The following NTM variants were observed in gnomAD, a reference collection of about 807,000 sequenced individuals.
NTM encodes neurotrimin, also known as IgLON family member 2.
In NTM, 13 loss-of-function variants were observed where a neutral mutation model predicts 42.1. That is an observed-to-expected ratio of 0.31 (90% CI 0.20 to 0.49). The LOEUF (loss-of-function observed/expected upper bound fraction) is 0.49, where lower values mean the gene tolerates loss of function less well. NTM is among the 20% of genes least tolerant of loss of function. The pLI is 0.99. For missense variants in NTM, 373 were observed against 452.8 expected (o/e 0.82, Z 1.60); for synonymous variants, 187 against 179.2 (o/e 1.04, Z -0.35).
intron 3 of NTM, among the ~76,000 whole-genome samples, chr11:132,181,743 G>T (rs369845214): frequency 6.6e-6 from 1 of 152,130 alleles, no homozygotes; most frequent in Non-Finnish European, 1.5e-5. Context: ...TGCCTCTTCT[G>T]TTCCTTCTGA....
chr11:131,697,160 G>A (rs2075557136), intron 1 of NTM, among the ~76,000 whole-genome samples: 1 of 152,156 alleles, frequency 6.6e-6, no homozygotes, highest in African/African-American at 2.4e-5. Context: ...AAGGACACAA[G>A]GTAAGATGGA....
At chr11:132,090,268 CT>C (rs1212417107) in intron 2 of NTM, among the ~76,000 whole-genome samples, 2 of 152,162 alleles carry the variant, frequency 1.3e-5, no homozygotes, top group Non-Finnish European at 2.9e-5. Flanking sequence ...TGCAAGTCAC[CT>C]TCTTATACCT....
chr11:132,315,430 C>A (rs918254785), intron 7 of NTM, among the ~76,000 whole-genome samples: 2 of 152,142 alleles, frequency 1.3e-5, no homozygotes, highest in Non-Finnish European at 2.9e-5. Context: ...CCTTGATGAA[C>A]GCAGATTCTC....
At chr11:131,470,181 C>A (rs555891289) in intron 1 of NTM, among the ~76,000 whole-genome samples, 369 of 152,280 alleles carry the variant, frequency 2.4e-3, no homozygotes, top group Non-Finnish European at 4.3e-3. Flanking sequence ...GTTTTAAAGA[C>A]CTGTTCTGCT....
At chr11:131,481,671 G>A (rs900169748) in intron 1 of NTM, among the ~76,000 whole-genome samples, 1 of 152,186 alleles carries the variant, frequency 6.6e-6, no homozygotes, top group Non-Finnish European at 1.5e-5. Context: ...CAGCCACACA[G>A]CCAGTGCTTT....
chr11:132,325,161 C>T (rs903327208), intron 7 of NTM, among the ~76,000 whole-genome samples: 4 of 152,246 alleles, frequency 2.6e-5, no homozygotes, highest in South Asian at 2.1e-4. Flanking sequence ...AAAGCCAAAA[C>T]TGACAAATAG....
intron 1 of NTM, among the ~76,000 whole-genome samples, chr11:131,517,367 C>G (rs1482953574): frequency 6.6e-6 from 1 of 152,216 alleles, no homozygotes; most frequent in Non-Finnish European, 1.5e-5. Context: ...TTTTTACTGT[C>G]ACCTCCATCC....
intron 4 of NTM, among the ~76,000 whole-genome samples, chr11:132,253,657 C>T (rs1479597237): frequency 6.6e-6 from 1 of 152,160 alleles, no homozygotes; most frequent in Non-Finnish European, 1.5e-5. Context: ...GCTCACGTGG[C>T]CAGCTGGTTT....
At chr11:131,800,392 C>G (rs1241249645) in intron 1 of NTM, among the ~76,000 whole-genome samples, 1 of 152,240 alleles carries the variant, frequency 6.6e-6, no homozygotes, top group Non-Finnish European at 1.5e-5. Context: ...CACCTTCTAT[C>G]CCTTCCTGGC....
chr11:131,707,348 A>G (rs1207429628), intron 1 of NTM, among the ~76,000 whole-genome samples: 1 of 152,084 alleles, frequency 6.6e-6, no homozygotes, highest in Non-Finnish European at 1.5e-5. Flanking sequence ...AAGGCTGAAT[A>G]GTATTTCATT....
At chr11:131,792,689 C>T (rs1292401906) in intron 1 of NTM, among the ~76,000 whole-genome samples, 12 of 152,136 alleles carry the variant, frequency 7.9e-5, no homozygotes, top group Admixed American at 4.6e-4. Context: ...CAAATGGGCA[C>T]GGTGCCTTCA....
intron 2 of NTM, among the ~76,000 whole-genome samples, chr11:131,997,578 C>T (rs2068307683): frequency 6.6e-6 from 1 of 152,148 alleles, no homozygotes; most frequent in African/African-American, 2.4e-5. Context: ...GTGTTCACAC[C>T]ATCATTGACA....
At chr11:132,039,306 C>T (rs912619568) in intron 2 of NTM, among the ~76,000 whole-genome samples, 3 of 152,116 alleles carry the variant, frequency 2.0e-5, no homozygotes, top group African/African-American at 7.2e-5. Context: ...GTATTGCTTA[C>T]TGCCTGTTAC....
At chr11:131,387,758 C>T (rs1329684252) in intron 1 of NTM, among the ~76,000 whole-genome samples, 8 of 151,908 alleles carry the variant, frequency 5.3e-5, no homozygotes, top group Non-Finnish European at 8.8e-5. Flanking sequence ...TATTATGTAT[C>T]AATAAAAACA....
At chr11:132,287,457 A>G (rs1035097743) in intron 4 of NTM, among the ~76,000 whole-genome samples, 1 of 152,096 alleles carries the variant, frequency 6.6e-6, no homozygotes, top group Non-Finnish European at 1.5e-5. Flanking sequence ...CATGTGACTG[A>G]GCAGAGGACC....
At chr11:131,766,040 G>C (rs1565519930) in intron 1 of NTM, among the ~76,000 whole-genome samples, 1 of 152,166 alleles carries the variant, frequency 6.6e-6, no homozygotes, top group Non-Finnish European at 1.5e-5. Flanking sequence ...CAGCTGGTTA[G>C]GAACAAAATG....
intron 3 of NTM, among the ~76,000 whole-genome samples, chr11:132,185,694 A>G (rs2078282667): frequency 1.3e-5 from 2 of 152,200 alleles, no homozygotes; most frequent in Admixed American, 1.3e-4. Flanking sequence ...ATTTTAATAT[A>G]ATTATTTTTA....
intron 1 of NTM, among the ~76,000 whole-genome samples, chr11:131,811,884 C>T (rs1592023650): frequency 1.3e-5 from 2 of 152,298 alleles, no homozygotes; most frequent in South Asian, 4.1e-4. Context: ...TTGTTTTTCA[C>T]CTTTCAGACC....
At chr11:132,216,950 G>C (rs981687260) in intron 4 of NTM, among the ~76,000 whole-genome samples, 1 of 152,210 alleles carries the variant, frequency 6.6e-6, no homozygotes, top group African/African-American at 2.4e-5. Flanking sequence ...GCTGTGGCAG[G>C]ACTCAACTTG....
Sources: gnomAD v4.1 joint callset for allele counts (sites outside exome capture counted in the v4.1 genomes callset) on GRCh38, gnomAD v4.1.1 for gene constraint, MANE v1.5 for transcripts, NCBI Gene and HGNC (gene_info 2026-07-23, HGNC 2026-07-21) for gene names.